Variants in ADCY3 observed in about 807,000 individuals in gnomAD.
The protein encoded by ADCY3 is adenylate cyclase 3, also known as adenylate cyclase type 3.
ADCY3 carries 70 observed loss-of-function variants against 119.4 expected under a neutral mutation model. The ratio of observed to expected loss-of-function variants is 0.59; its 90% confidence interval spans 0.48 to 0.72. ADCY3 has a LOEUF of 0.72. Among genes scored for constraint, ADCY3 ranks in the 30% least tolerant of loss-of-function variants. The pLI, the probability that ADCY3 is intolerant of heterozygous loss-of-function variation, is 0.00. For missense variants in ADCY3, 1,238 were observed against 1,541.6 expected (o/e 0.80, Z 3.30); for synonymous variants, 672 against 621.4 (o/e 1.08, Z -1.21).
intron 3 of ADCY3, among the ~76,000 whole-genome samples, chr2:24,847,654 G>A (rs1190135142): frequency 6.6e-6 from 1 of 152,232 alleles, no homozygotes; most frequent in Non-Finnish European, 1.5e-5. Flanking sequence ...GCAAAGAAAT[G>A]GGTGAAGTGC....
At chr2:24,863,691 TTTTA>T (rs1673951181) in intron 3 of ADCY3, among the ~76,000 whole-genome samples, 1 of 152,224 alleles carries the variant, frequency 6.6e-6, no homozygotes, top group South Asian at 2.1e-4. Context: ...CCAACCTCTT[TTTTA>T]TTTCTTTATA....
At position 24,918,259 on chromosome 2, in the gene ADCY3, G is replaced by A; in HGVS notation, c.675+54C>T. The stretch of plus-strand genomic sequence containing the variant: ...AAACAGCAACTCCAACAGGTCCCAA[G>A]TTGGTGAGAGCTGCAGGAGAGGACG... On this transcript the variant is annotated intron_variant, in intron 2 of 21. Coordinates refer to ENST00000679454, the MANE Select transcript of ADCY3 (RefSeq NM_004036.5). This position sits in a 1 kb window ranked among gnomAD's most constrained non-coding sequence, Gnocchi z 5.4. The A allele has an allele frequency of 2.0e-6, 3 of 1,508,384 alleles. No individual in the cohort carries two copies. The highest frequency in any genetic ancestry group is 2.7e-5 in the South Asian group (2 of 74,298). 93.4% of individuals were successfully genotyped at this position (1,508,384 alleles called of 1,614,324 possible).
At chr2:24,861,016 C>T (rs1455195669) in intron 3 of ADCY3, among the ~76,000 whole-genome samples, 5 of 152,144 alleles carry the variant, frequency 3.3e-5, no homozygotes. Context: ...TTTGGGAGGC[C>T]AAGGCAGGCA....
rs1012529199 is a variant in ADCY3 at position 24,827,453 on chromosome 2, G to A, written c.2495+93C>T. On this transcript the variant is annotated intron_variant, in intron 15 of 21. Coordinates refer to ENST00000679454, the MANE Select transcript of ADCY3 (RefSeq NM_004036.5). ...ACGTATCAGGTCACGTGCCTCCCGG[G>A]AGGGTGAGATCCCGGGGCTTGGGCC... 6.4e-6 allele frequency: 9 copies of A among 1,410,750 alleles called. No individual in the cohort carries two copies. The African/African-American group carries it at 7.1e-5, about 11-fold the overall frequency. 87.4% of individuals were successfully genotyped at this position (1,410,750 alleles called of 1,614,324 possible).
At chr2:24,896,302 T>C (rs1334781662) in intron 2 of ADCY3, among the ~76,000 whole-genome samples, 1 of 152,108 alleles carries the variant, frequency 6.6e-6, no homozygotes, top group Non-Finnish European at 1.5e-5. Context: ...GGAGAATCGC[T>C]TGAACCTGGG....
intron 11 of ADCY3, among the ~76,000 whole-genome samples, 176 bp from the exon 12 acceptor site, chr2:24,831,925 C>G (rs567264257): frequency 7.6e-4 from 23 of 30,254 alleles, no homozygotes; most frequent in Non-Finnish European, 9.2e-4. Flanking sequence ...CAGGGGACAG[C>G]GGACAGTGGC....
chr2:24,820,538 GT>G, intron 21 of ADCY3, 185 bp downstream of exon 21: 1 of 1,403,442 alleles, frequency 7.1e-7, no homozygotes, highest in South Asian at 1.5e-5. Context: ...TTGTGGATGG[GT>G]GGAAGTGTTT....
intron 2 of ADCY3, among the ~76,000 whole-genome samples, chr2:24,888,225 T>C (rs953914001): frequency 6.6e-6 from 1 of 152,216 alleles, no homozygotes; most frequent in African/African-American, 2.4e-5. Context: ...TCCTCCCCCA[T>C]TGCCTGTCCA....
In ADCY3 at chr2:24,834,378, T is replaced by C; in HGVS notation, c.1967+107A>G. ...CCAGTGGGGGTCAGGGAGCAGAGACTGGCTTGCTCCCCAATGTCAGGCTCC... is the reference window on the plus strand; with the variant it reads ...CCAGTGGGGGTCAGGGAGCAGAGACCGGCTTGCTCCCCAATGTCAGGCTCC... On this transcript the variant is annotated intron_variant, in intron 11 of 21. Coordinates refer to ENST00000679454, the MANE Select transcript of ADCY3 (RefSeq NM_004036.5). This position sits in a 1 kb window ranked among gnomAD's most constrained non-coding sequence, Gnocchi z 4.2. 1 of 1,364,784 alleles carries C rather than the reference T, an allele frequency of 7.3e-7. No homozygotes were observed. The highest frequency in any genetic ancestry group is 1.4e-5 in the South Asian group (1 of 72,882). 84.5% of individuals were successfully genotyped at this position (1,364,784 alleles called of 1,614,324 possible).
chr2:24,830,255 G>A (rs1445714343), intron 13 of ADCY3, among the ~76,000 whole-genome samples: 2 of 151,586 alleles, frequency 1.3e-5, no homozygotes, highest in Non-Finnish European at 2.9e-5. Flanking sequence ...TGGCCAGGCT[G>A]GTTTCGAACT....
intron 2 of ADCY3, chr2:24,877,773 C>T (rs1179666853): frequency 9.6e-6 from 4 of 415,310 alleles, no homozygotes; most frequent in African/African-American, 4.1e-5. Context: ...CACACACAGG[C>T]ACCATCTGAC....
In ADCY3 at chr2:24,918,521, C is replaced by T. The variant is rs1247685757; in HGVS notation, c.467G>A (p.Gly156Asp). The change falls in exon 2 of 22, where the codon GGC becomes GAC. Residue 156 changes from glycine (G) to aspartate (D), a missense_variant. Transcript: ENST00000679454. This position sits in a 1 kb window ranked among gnomAD's most constrained non-coding sequence, Gnocchi z 5.4. ...CGCGTGGGCACGCGCGAAGTTCAGG[C>T]CCAGGTAGGAGAAGATCTGGGCGGT... The part of the protein sequence containing the change: ...LITAQIFSYL[G>D]LNFARAHAAS... 1 of 1,613,924 alleles carries T rather than the reference C, an allele frequency of 6.2e-7. No homozygotes were observed. The highest frequency in any genetic ancestry group is 1.7e-5 in the Admixed American group (1 of 60,026).
At chr2:24,855,199 C>G (rs1008603289) in intron 3 of ADCY3, among the ~76,000 whole-genome samples, 3 of 150,782 alleles carry the variant, frequency 2.0e-5, no homozygotes, top group Non-Finnish European at 3.0e-5. Flanking sequence ...GTCCCCCCCA[C>G]CCCCTTCTTC....
intron 3 of ADCY3, among the ~76,000 whole-genome samples, chr2:24,864,541 C>A (rs556000527): frequency 6.6e-6 from 1 of 152,098 alleles, no homozygotes; most frequent in African/African-American, 2.4e-5. Flanking sequence ...TCAGCCTTAA[C>A]GGGAAAGAAA....
At chr2:24,821,792 T>C in intron 19 of ADCY3, 152 bp from the exon 20 acceptor site, 1 of 1,140,884 alleles carries the variant, frequency 8.8e-7, no homozygotes, top group South Asian at 1.5e-5. Flanking sequence ...GCAGCCACGC[T>C]AGCTCTGACT....
chr2:24,838,419 TGGGTGGGGTG>T lies in ADCY3; in HGVS notation c.1533+16_1533+25del. ...TAATCCAGGGGTGGGGTGGGTGGGG[TGGGTGGGGTG>T]GGGTGGGGAACTCACCGAGCCATTG... On this transcript the variant is annotated intron_variant, in intron 8 of 21. Coordinates refer to ENST00000679454, the MANE Select transcript of ADCY3 (RefSeq NM_004036.5). 1 of 765,682 alleles carries T rather than the reference TGGGTGGGGTG, an allele frequency of 1.3e-6. No individual in the cohort carries two copies. The highest frequency in any genetic ancestry group is 1.7e-6 in the Non-Finnish European group (1 of 589,380). The allele number at this position is 765,682 out of a possible 1,614,324, so 47.4% of individuals were successfully genotyped here.
intron 3 of ADCY3, among the ~76,000 whole-genome samples, chr2:24,853,099 G>T (rs1346448584): frequency 1.3e-5 from 2 of 150,680 alleles, no homozygotes; most frequent in African/African-American, 4.9e-5. Flanking sequence ...TTCTGGAAGA[G>T]TCTACCTACT....
Position 24,841,838 on chromosome 2 carries a change from CT to C in ADCY3, c.957-172del, listed in dbSNP as rs1484937509. Among the ~76,000 whole-genome samples, 1 of 152,142 alleles carries C rather than the reference CT, an allele frequency of 6.6e-6. No homozygotes were observed. The highest frequency in any genetic ancestry group is 1.5e-5 in the Non-Finnish European group (1 of 68,022). ...GACCCTTCCAGGTAAAGTCAGGGCTCTGACCTTGCACTTGTCCTAGCAGACT... is the reference window on the plus strand; with the variant it reads ...GACCCTTCCAGGTAAAGTCAGGGCTCGACCTTGCACTTGTCCTAGCAGACT... On this transcript the variant is annotated intron_variant, in intron 4 of 21. Coordinates refer to ENST00000679454, the MANE Select transcript of ADCY3 (RefSeq NM_004036.5). The surrounding 1 kb of genome is among the most constrained non-coding windows in gnomAD (Gnocchi z 5.8).
chr2:24,893,021 A>ATTTTTT (rs1677867981), intron 2 of ADCY3, among the ~76,000 whole-genome samples: 1 of 145,150 alleles, frequency 6.9e-6, no homozygotes. Context: ...TTTACTTTTA[A>ATTTTTT]TCTATGTGTC....
Sources: allele counts gnomAD v4.1 joint callset (sites outside exome capture counted in the v4.1 genomes callset), GRCh38; gene constraint gnomAD v4.1.1; non-coding constraint Gnocchi (gnomAD v3.1); transcripts MANE v1.5; gene names NCBI Gene and HGNC (gene_info 2026-07-23, HGNC 2026-07-21).